OPN3: variants seen among roughly 807,000 people sequenced by gnomAD.
The protein encoded by OPN3 is opsin-3.
Under a neutral mutation model 33.8 loss-of-function variants are expected in OPN3, and 29 were observed. The ratio of observed to expected loss-of-function variants is 0.86; its 90% CI spans 0.64 to 1.17. The LOEUF is 1.17. Ranked by LOEUF, OPN3 falls within the 50% of genes most tolerant of loss-of-function variation. The probability of loss-of-function intolerance (pLI) is 0.00; values close to 1 mark genes in which losing one functional copy is unlikely to be tolerated. For synonymous variants in OPN3, 216 were observed against 216.1 expected, an observed-to-expected ratio of 1.00 and a Z score of 0.00; for missense variants, 437 against 514.1, an observed-to-expected ratio of 0.85 and a Z score of 1.45.
At chr1:241,611,958 A>G (rs1219525296) in intron 1 of OPN3, among the ~76,000 whole-genome samples, 1 of 152,212 alleles carries the variant, frequency 6.6e-6, no homozygotes, top group Non-Finnish European at 1.5e-5. Flanking sequence ...CTAGGGAAGG[A>G]GAGACGAGGA....
At chr1:241,631,781 A>C (rs1415626450) in intron 1 of OPN3, 1 of 152,046 alleles carries the variant, frequency 6.6e-6, no homozygotes, top group African/African-American at 2.4e-5. Flanking sequence ...CATTTCTCTG[A>C]TTCAATAAGC....
chr1:241,614,133 A>C (rs1477967059), intron 1 of OPN3: 2 of 152,236 alleles, frequency 1.3e-5, no homozygotes, highest in South Asian at 2.1e-4. Flanking sequence ...ATGCCAATGC[A>C]CTCCAGCCTG....
Position 241,594,515 on chromosome 1 carries a change from G to T in OPN3, c.1122C>A (p.Ile374=), listed in dbSNP as rs774729676. 3 of 1,614,080 alleles carry T rather than the reference G, an allele frequency of 1.9e-6. No individual in the cohort carries two copies. The highest frequency in any genetic ancestry group is 2.5e-6 in the Non-Finnish European group (3 of 1,179,980). ...VTFNSSSIIF[I]ITSDESLSVD... ...CTGACAGTGATTCATCACTGGTGAT[G>T]ATAAAAATGATGGAAGAAGAGTTGA... The change falls in exon 4 of 4, where the codon ATC becomes ATA. Residue 374 remains isoleucine, a synonymous_variant. Transcript: ENST00000366554.
chr1:241,612,022 G>T (rs1045107027), intron 1 of OPN3, among the ~76,000 whole-genome samples: 1 of 152,212 alleles, frequency 6.6e-6, no homozygotes, highest in South Asian at 2.1e-4. Context: ...AATGAATGAA[G>T]AAGAATCAAA....
intron 1 of OPN3, chr1:241,634,194 C>T: frequency 2.5e-6 from 4 of 1,613,974 alleles, no homozygotes; most frequent in Admixed American, 1.7e-5. Flanking sequence ...TTCTTCACCA[C>T]TGATTCTAAG....
intron 1 of OPN3, chr1:241,634,251 AGGTGTCCTTCATGCATGTCAT>A (rs1231013546): frequency 1.2e-6 from 2 of 1,613,996 alleles, no homozygotes; most frequent in Non-Finnish European, 1.7e-6. Context: ...TGTACCAGAT[AGGTGTCCTTCATGCATGTCAT>A]GGTTGAAGAA....
chr1:241,625,455 T>C (rs1281317691), intron 1 of OPN3, among the ~76,000 whole-genome samples: 1 of 152,224 alleles, frequency 6.6e-6, no homozygotes, highest in African/African-American at 2.4e-5. Flanking sequence ...AGATTACCTC[T>C]CATTTCTATT....
intron 1 of OPN3, 21 bp from the exon 2 acceptor site, chr1:241,604,600 A>G (rs1292077350): frequency 7.5e-6 from 12 of 1,597,894 alleles, no homozygotes; most frequent in African/African-American, 1.3e-5. Flanking sequence ...AGAAAGTGGA[A>G]AAGTATAGCA....
intron 1 of OPN3, among the ~76,000 whole-genome samples, chr1:241,605,065 AAAAAT>A (rs1553354031): frequency 4.2e-5 from 6 of 143,210 alleles, no homozygotes; most frequent in African/African-American, 1.1e-4. Context: ...CAAAAAAAAA[AAAAAT>A]AAAATAAAAT....
intron 1 of OPN3, chr1:241,630,928 G>A (rs1664609221): frequency 6.7e-6 from 1 of 149,376 alleles, no homozygotes. Context: ...TGTATTGTTT[G>A]CCAATATTTT....
chr1:241,614,521 C>T (rs562332103), intron 1 of OPN3, among the ~76,000 whole-genome samples: 14 of 152,336 alleles, frequency 9.2e-5, no homozygotes, highest in South Asian at 6.2e-4. Flanking sequence ...TTAAAACATA[C>T]GGACATTTTT....
intron 1 of OPN3, chr1:241,634,542 A>T: frequency 6.2e-7 from 1 of 1,613,954 alleles, no homozygotes; most frequent in South Asian, 1.1e-5. Flanking sequence ...TCGACTACAA[A>T]GCATTGTACT....
Position 241,593,192 on chromosome 1 carries a change from G to T in OPN3, c.*1236C>A. 1 of 241,958 alleles carries T rather than the reference G, an allele frequency of 4.1e-6. No homozygotes were observed. The allele number at this position is 241,958 out of a possible 1,614,324, so 15.0% of individuals were successfully genotyped here. ...TGTGCCAGAATGGAAAGGAAACAAG[G>T]GGAGACAACTTTTATAGAAATACAA... On this transcript the variant is annotated 3_prime_UTR_variant, in exon 4 of 4. Coordinates refer to ENST00000366554, the MANE Select transcript of OPN3 (RefSeq NM_014322.3).
intron 1 of OPN3, among the ~76,000 whole-genome samples, chr1:241,615,313 G>A (rs1450370763): frequency 6.6e-6 from 1 of 151,870 alleles, no homozygotes; most frequent in Non-Finnish European, 1.5e-5. Context: ...TGTGAAGTGT[G>A]GTACCACAGA....
At chr1:241,623,497 T>C (rs567113332) in intron 1 of OPN3, among the ~76,000 whole-genome samples, 1 of 152,300 alleles carries the variant, frequency 6.6e-6, no homozygotes, top group African/African-American at 2.4e-5. Flanking sequence ...TCCACTAGGA[T>C]AAAGTAGTCA....
At chr1:241,609,055 G>T (rs550364564) in intron 1 of OPN3, among the ~76,000 whole-genome samples, 2 of 152,302 alleles carry the variant, frequency 1.3e-5, no homozygotes, top group South Asian at 4.1e-4. Flanking sequence ...AGAATGAAAG[G>T]ACTGTCTTAC....
At chr1:241,600,067 C>T (rs1253100934) in intron 2 of OPN3, among the ~76,000 whole-genome samples, 2 of 152,130 alleles carry the variant, frequency 1.3e-5, no homozygotes, top group East Asian at 3.9e-4. Flanking sequence ...TTTATCTGTA[C>T]CATTTTCTGG....
rs199779503 is a variant in OPN3, at chr1:241,594,411, G to A, written c.*17C>T. 85 of 1,605,460 alleles carry A rather than the reference G, an allele frequency of 5.3e-5. No homozygotes were observed. In the East Asian group the frequency reaches 1.2e-3, roughly 23 times the overall value. On this transcript the variant is annotated 3_prime_UTR_variant, in exon 4 of 4. Transcript: ENST00000366554. Reference sequence around the variant, plus strand: ...CATCCAATTTAAGGCCCCATCTTTCGTTGCCATTCTTCATTCCTACAAAGG... The same window carrying A: ...CATCCAATTTAAGGCCCCATCTTTCATTGCCATTCTTCATTCCTACAAAGG...
At chr1:241,630,647 T>C (rs914296381) in intron 1 of OPN3, 10 of 152,222 alleles carry the variant, frequency 6.6e-5, no homozygotes, top group African/African-American at 2.2e-4. Flanking sequence ...ATAAAAATAG[T>C]GCCAACACTG....
Sources: allele counts gnomAD v4.1 joint callset (sites outside exome capture counted in the v4.1 genomes callset), GRCh38; gene constraint gnomAD v4.1.1; transcripts MANE v1.5; gene names NCBI Gene and HGNC (gene_info 2026-07-23, HGNC 2026-07-21).